Variants in BOC observed in about 807,000 individuals in gnomAD.
BOC encodes BOC cell adhesion associated, oncogene regulated.
A neutral mutation model predicts 112.0 loss-of-function variants in BOC; 76 were observed. That is an observed-to-expected ratio of 0.68 (90% CI 0.56 to 0.82). BOC has a LOEUF of 0.82. Ranked by LOEUF, BOC falls within the 40% of genes least tolerant of loss-of-function variation. The pLI is 0.00. For synonymous variants in BOC, 580 were observed against 599.8 expected, an observed-to-expected ratio of 0.97 and a Z score of 0.48; for missense variants, 1,309 against 1,511.7, an observed-to-expected ratio of 0.87 and a Z score of 2.22.
intron 2 of BOC, among the ~76,000 whole-genome samples, chr3:113,236,311 T>TATAC (rs1943549705): frequency 1.6e-5 from 1 of 61,912 alleles, no homozygotes; most frequent in African/African-American, 4.3e-5. Context: ...TATATATATA[T>TATAC]ACCCATGGAA....
intron 1 of BOC, among the ~76,000 whole-genome samples, chr3:113,214,558 A>C (rs1219428033): frequency 5.9e-5 from 9 of 152,220 alleles, no homozygotes; most frequent in Non-Finnish European, 1.3e-4. Flanking sequence ...AATAATTGCT[A>C]TCCAATACCT....
intron 4 of BOC, chr3:113,261,969 T>TTG (rs1295576654): frequency 1.3e-5 from 2 of 150,422 alleles, no homozygotes; most frequent in East Asian, 1.9e-4. Flanking sequence ...TCTACAAAGG[T>TTG]TTGTTTTTTT....
rs763958511 is a variant in BOC, at chr3:113,249,726, T to G, written c.-77T>G. On this transcript the variant is annotated 5_prime_UTR_variant, in exon 3 of 20. Coordinates refer to ENST00000682979, the MANE Select transcript of BOC (RefSeq NM_001378074.1). The stretch of plus-strand genomic sequence containing the variant: ...TCCCTTTCTCTCTTACAACAGAGTG[T>G]TGCCAGGGACGGCAGTATCTCTTTG... 5.2e-5 allele frequency: 64 copies of G among 1,224,994 alleles called. No homozygotes were observed. Among genetic ancestry groups the G allele is most frequent in the Non-Finnish European group, 6.9e-5 (59 of 861,204 alleles). The allele number at this position is 1,224,994 out of a possible 1,614,324, so 75.9% of individuals were successfully genotyped here. A position where few individuals can be genotyped will look rare whatever the true frequency, so the allele number is the denominator to read the frequency against.
intron 5 of BOC, chr3:113,270,541 T>C (rs141601457): frequency 1.2e-4 from 56 of 453,704 alleles, no homozygotes; most frequent in African/African-American, 9.9e-4. Context: ...ATGCACTAAG[T>C]TGTGGCAGTT....
At position 113,279,842 on chromosome 3, in the gene BOC, G is replaced by T; in HGVS notation, c.2042G>T (p.Arg681Leu). 1 of 1,607,890 alleles carries T rather than the reference G, an allele frequency of 6.2e-7. No individual in the cohort carries two copies. The highest frequency in any genetic ancestry group is 8.5e-7 in the Non-Finnish European group (1 of 1,176,798). The change falls in exon 13 of 20, where the codon CGA (arginine) becomes CTA (leucine). Residue 681 changes from arginine (R) to leucine (L), a missense_variant. Coordinates refer to ENST00000682979, the MANE Select transcript of BOC (RefSeq NM_001378074.1). ...TCACCAGGCACCTCCTACAAGTTTC[G>T]AGTCCGGGCTCTGAACATGCTGGGG... Reference protein sequence around the residue: ...GLEKGTSYKFRVRALNMLGES... With the variant: ...GLEKGTSYKFLVRALNMLGES...
intron 4 of BOC, among the ~76,000 whole-genome samples, chr3:113,259,659 A>G (rs1946601914): frequency 6.6e-6 from 1 of 152,216 alleles, no homozygotes; most frequent in Non-Finnish European, 1.5e-5. Context: ...CTTGAGCTCT[A>G]TAGAACAGTG....
In BOC at chr3:113,287,222, G is replaced by A. The variant is rs571658175; in HGVS notation, c.*360G>A. The stretch of plus-strand genomic sequence containing the variant: ...GGATCCCAGGCACATGGTTCATCAC[G>A]AGCATGAGGGAACAGCAAGGGGCAC... On this transcript the variant is annotated 3_prime_UTR_variant, in exon 20 of 20. Coordinates refer to ENST00000682979, the MANE Select transcript of BOC (RefSeq NM_001378074.1). 15 of 369,854 alleles carry A rather than the reference G, an allele frequency of 4.1e-5. No individual in the cohort carries two copies. The highest frequency in any genetic ancestry group is 7.3e-5 in the East Asian group (1 of 13,648). 22.9% of individuals were successfully genotyped at this position (369,854 alleles called of 1,614,324 possible).
intron 2 of BOC, among the ~76,000 whole-genome samples, chr3:113,221,339 G>A (rs1478412076): frequency 6.6e-6 from 1 of 152,208 alleles, no homozygotes; most frequent in Non-Finnish European, 1.5e-5. Context: ...CTGGCTCAGG[G>A]TTTACGGAGA....
chr3:113,274,690 C>A lies in BOC; in HGVS notation c.1542+8C>A. On this transcript the variant is annotated splice_region_variant and intron_variant, in intron 9 of 19. Coordinates refer to ENST00000682979, the MANE Select transcript of BOC (RefSeq NM_001378074.1). The surrounding 1 kb of genome is among the most constrained non-coding windows in gnomAD (Gnocchi z 4.8). The stretch of plus-strand genomic sequence containing the variant: ...GTGGTGAAACACCGCAAGGTATGGC[C>A]CTGGTGTGGGGCTGCTGCCTCCCCT... The A allele has an allele frequency of 6.3e-7, 1 of 1,576,274 alleles. No individual in the cohort carries two copies.
At chr3:113,213,844 A>G (rs1325113088) in intron 1 of BOC, among the ~76,000 whole-genome samples, 3 of 152,242 alleles carry the variant, frequency 2.0e-5, no homozygotes, top group African/African-American at 4.8e-5. Context: ...AATGAAAGAA[A>G]GAAGAGTTGC....
Position 113,278,606 on chromosome 3 carries a change from G to A in BOC, c.1706-67G>A. The A allele has an allele frequency of 7.4e-7, 1 of 1,354,372 alleles. No homozygotes were observed. Among genetic ancestry groups the A allele is most frequent in the Non-Finnish European group, 1.0e-6 (1 of 970,580 alleles). The allele number at this position is 1,354,372 out of a possible 1,614,324, so 83.9% of individuals were successfully genotyped here. On this transcript the variant is annotated intron_variant, in intron 10 of 19. Coordinates refer to ENST00000682979, the MANE Select transcript of BOC (RefSeq NM_001378074.1). This position sits in a 1 kb window ranked among gnomAD's most constrained non-coding sequence, Gnocchi z 4.2. ...CGCTTAGCAGAGTCTCAGGCAAAAA[G>A]GACTCTGTGGGAGGGAGATCTCATG...
chr3:113,267,601 C>T (rs909056081), intron 4 of BOC, among the ~76,000 whole-genome samples: 3 of 152,224 alleles, frequency 2.0e-5, no homozygotes, highest in Non-Finnish European at 4.4e-5. Flanking sequence ...AGGAAGGATC[C>T]TCCGTGAAGT....
Position 113,286,737 on chromosome 3 carries a change from G to C in BOC, c.3223G>C (p.Val1075Leu). ...GGTGGACAGTCCTGACTCCTGCCAA[G>C]TGAGTGGAGGAGACTGGTGTCCCCA... The part of the protein sequence containing the change: ...EEVDSPDSCQ[V>L]SGGDWCPQHP... Residue 1075 changes from valine to leucine, a missense_variant, in exon 20 of 20, where the codon GTG becomes CTG. Coordinates refer to ENST00000682979, the MANE Select transcript of BOC (RefSeq NM_001378074.1). 6.2e-7 allele frequency: 1 copy of C among 1,613,620 alleles called. No homozygotes were observed.
chr3:113,259,795 G>GGGA (rs1946617066), intron 4 of BOC, among the ~76,000 whole-genome samples: 1 of 152,134 alleles, frequency 6.6e-6, no homozygotes, highest in African/African-American at 2.4e-5. Context: ...TTTTCCTATA[G>GGGA]GGAGAATTGT....
At chr3:113,268,241 G>A (rs1341606392) in intron 4 of BOC, 58 bp from the exon 5 acceptor site, 3 of 1,603,218 alleles carry the variant, frequency 1.9e-6, no homozygotes, top group African/African-American at 2.7e-5. Flanking sequence ...AGCCCACCCT[G>A]AAATGTCACA....
intron 4 of BOC, among the ~76,000 whole-genome samples, chr3:113,260,776 G>A (rs568155049): frequency 3.0e-5 from 3 of 99,002 alleles, no homozygotes; most frequent in Admixed American, 2.1e-4. Flanking sequence ...CAATAGAATA[G>A]GGTTCACCAT....
intron 4 of BOC, among the ~76,000 whole-genome samples, chr3:113,253,507 G>A (rs1225621739): frequency 1.3e-5 from 2 of 151,420 alleles, no homozygotes; most frequent in Admixed American, 1.3e-4. Flanking sequence ...GCAAGGCTGG[G>A]GTGAGCCAGT....
In BOC at chr3:113,283,444, C is replaced by T. The variant is rs750771824; in HGVS notation, c.2468C>T (p.Pro823Leu). The change falls in exon 16 of 20, where the codon CCA becomes CTA. Residue 823 changes from proline (P) to leucine (L), a missense_variant. By Grantham distance (98) the Pro-to-Leu change is moderately conservative. Transcript: ENST00000682979. ...TCTTCTGGCCAGCCTGGTCGACTGC[C>T]ACCCCCAACTCTGGCCCCACCACAG... is the stretch of plus-strand genomic sequence containing the variant. ...RKSSGQPGRLPPPTLAPPQPP... is the reference protein window; with the variant it reads ...RKSSGQPGRLLPPTLAPPQPP... The T allele has an allele frequency of 1.2e-6, 2 of 1,609,268 alleles. No individual in the cohort carries two copies. The highest frequency in any genetic ancestry group is 1.1e-5 in the South Asian group (1 of 90,998).
rs760818320 is a variant in BOC, at chr3:113,274,198, G to A, written c.1235-177G>A. ...CTGCCTTTTCCTTCTGGCAGGACAG[G>A]GACACCAGCGCTGTCTTCCACGGAG... On this transcript the variant is annotated intron_variant, in intron 8 of 19. Transcript: ENST00000682979. The surrounding 1 kb of genome is among the most constrained non-coding windows in gnomAD (Gnocchi z 4.8). Among the ~76,000 whole-genome samples the A allele has an allele frequency of 6.6e-6, 1 of 152,172 alleles. No individual in the cohort carries two copies. Among genetic ancestry groups the A allele is most frequent in the Non-Finnish European group, 1.5e-5 (1 of 68,038 alleles).
Sources: gnomAD v4.1 joint callset for allele counts (sites outside exome capture counted in the v4.1 genomes callset) on GRCh38, gnomAD v4.1.1 for gene constraint, Gnocchi (gnomAD v3.1) non-coding constraint, MANE v1.5 for transcripts, NCBI Gene and HGNC (gene_info 2026-07-23, HGNC 2026-07-21) for gene names.